The following LOC400499 variants were observed in gnomAD, a reference collection of about 807,000 sequenced individuals.
At chr16:11,393,015 C>T in the LOC400499 span, among the ~76,000 whole-genome samples, 200 of 152,200 alleles carry the variant, frequency 1.3e-3, no homozygotes, top group African/African-American at 4.3e-3. Flanking sequence ...CTACTGTGCC[C>T]GGCTACTTTT....
At chr16:11,494,317 CCCCCTTCA>C in the LOC400499 span, among the ~76,000 whole-genome samples, 1 of 148,394 alleles carries the variant, frequency 6.7e-6, no homozygotes, top group South Asian at 2.2e-4. Context: ...TTCCCCCTTC[CCCCCTTCA>C]CCCCACCCCC....
At chr16:11,387,108 C>T in the LOC400499 span, 6 of 1,232,280 alleles carry the variant, frequency 4.9e-6, no homozygotes, top group Non-Finnish European at 6.1e-6. Context: ...GGGCAGGACT[C>T]ACATTCCCAG....
At chr16:11,503,293 G>A in the LOC400499 span, among the ~76,000 whole-genome samples, 12 of 152,158 alleles carry the variant, frequency 7.9e-5, no homozygotes, top group Non-Finnish European at 1.2e-4. Flanking sequence ...TATAGGGGGT[G>A]CAGAGGGCCC....
chr16:11,428,620 G>A, the LOC400499 span, among the ~76,000 whole-genome samples: 1 of 152,166 alleles, frequency 6.6e-6, no homozygotes, highest in East Asian at 1.9e-4. Context: ...CATTCGGCCG[G>A]CTTCTTTACT....
At chr16:11,404,942 A>C in the LOC400499 span, 4 of 398,610 alleles carry the variant, frequency 1.0e-5, no homozygotes, top group East Asian at 3.6e-5. Flanking sequence ...AGAAGCTTGC[A>C]GAGGAGGAAA....
chr16:11,415,513 C>G, the LOC400499 span, among the ~76,000 whole-genome samples: 860 of 152,284 alleles, frequency 5.6e-3, 5 homozygotes, highest in Non-Finnish European at 8.5e-3. Flanking sequence ...GGGAGAGGAC[C>G]ACTTGTGGGA....
At chr16:11,385,274 C>T in the LOC400499 span, 8 of 1,232,144 alleles carry the variant, frequency 6.5e-6, no homozygotes, top group Middle Eastern at 3.1e-4. Flanking sequence ...CTGTGAGCCC[C>T]GAGCCTGTCC....
the LOC400499 span, among the ~76,000 whole-genome samples, chr16:11,479,818 T>A: frequency 3.3e-5 from 5 of 152,184 alleles, no homozygotes; most frequent in Non-Finnish European, 7.3e-5. Flanking sequence ...AGTTTTTCCA[T>A]TTCTGTCCTC....
chr16:11,460,845 A>G, the LOC400499 span: 1 of 1,338,680 alleles, frequency 7.5e-7, no homozygotes, highest in Non-Finnish European at 9.9e-7. Context: ...AGCCAACAGA[A>G]TGACTAATGG....
the LOC400499 span, among the ~76,000 whole-genome samples, chr16:11,379,517 TCA>T: frequency 2.6e-5 from 4 of 152,268 alleles, no homozygotes; most frequent in African/African-American, 9.6e-5. Flanking sequence ...TGTAAGTCTC[TCA>T]GTCTTCTGAT....
the LOC400499 span, among the ~76,000 whole-genome samples, chr16:11,523,846 C>T: frequency 6.6e-6 from 1 of 151,780 alleles, no homozygotes; most frequent in Middle Eastern, 3.2e-3. Context: ...TACCCATCCC[C>T]ACTCCCATCC....
chr16:11,382,059 T>TG, the LOC400499 span, among the ~76,000 whole-genome samples: 1 of 151,954 alleles, frequency 6.6e-6, no homozygotes, highest in South Asian at 2.1e-4. Flanking sequence ...GCCTCAGCCT[T>TG]CATAGTTGCT....
the LOC400499 span, among the ~76,000 whole-genome samples, chr16:11,421,350 C>G: frequency 2.0e-5 from 3 of 152,126 alleles, no homozygotes; most frequent in African/African-American, 7.2e-5. Flanking sequence ...GGGTTGCAAA[C>G]TGGTGGCCCT....
the LOC400499 span, among the ~76,000 whole-genome samples, chr16:11,503,747 G>A: frequency 6.6e-6 from 1 of 152,238 alleles, no homozygotes; most frequent in Non-Finnish European, 1.5e-5. Flanking sequence ...TGTGCCTTCT[G>A]TGGTCAGAGC....
chr16:11,521,262 CA>C, the LOC400499 span, among the ~76,000 whole-genome samples: 1 of 152,170 alleles, frequency 6.6e-6, no homozygotes, highest in Non-Finnish European at 1.5e-5. Context: ...GAGACTCCAA[CA>C]GAAACTAAAA....
At chr16:11,436,448 T>C in the LOC400499 span, among the ~76,000 whole-genome samples, 1 of 151,768 alleles carries the variant, frequency 6.6e-6, no homozygotes, top group Non-Finnish European at 1.5e-5. Context: ...AGCAGAGAGG[T>C]CCAAGGCTCC....
At chr16:11,384,273 C>G in the LOC400499 span, 1 of 1,232,448 alleles carries the variant, frequency 8.1e-7, no homozygotes, top group South Asian at 4.1e-5. Context: ...CCGGCAACAT[C>G]AGCTCATTGC....
At chr16:11,475,353 A>G in the LOC400499 span, among the ~76,000 whole-genome samples, 1 of 152,268 alleles carries the variant, frequency 6.6e-6, no homozygotes, top group African/African-American at 2.4e-5. Flanking sequence ...AAACAAATAA[A>G]TAAATATTGA....
At chr16:11,461,320 A>G in the LOC400499 span, among the ~76,000 whole-genome samples, 1 of 152,164 alleles carries the variant, frequency 6.6e-6, no homozygotes, top group Non-Finnish European at 1.5e-5. Flanking sequence ...CCCAGGCTCA[A>G]TCGATCTTCC....
Sources: allele counts gnomAD v4.1 joint callset (sites outside exome capture counted in the v4.1 genomes callset), GRCh38; gene constraint gnomAD v4.1.1; transcripts MANE v1.5.